Variants in LYPLA2 observed in about 807,000 individuals in gnomAD.
LYPLA2 encodes the protein acyl-protein thioesterase 2.
A neutral mutation model predicts 30.3 loss-of-function variants in LYPLA2; 7 were observed. That is an observed-to-expected ratio of 0.23 (90% CI 0.13 to 0.43). LYPLA2 has a LOEUF of 0.43. LYPLA2 is among the 20% of genes least tolerant of loss of function. LYPLA2 has a pLI of 1.00. For synonymous variants in LYPLA2, 112 were observed against 118.2 expected, an observed-to-expected ratio of 0.95 and a Z score of 0.34; for missense variants, 206 against 307.9, an observed-to-expected ratio of 0.67 and a Z score of 2.48.
chr1:23,792,319 T>TA (rs1638812731), intron 1 of LYPLA2, among the ~76,000 whole-genome samples: 1 of 152,016 alleles, frequency 6.6e-6, no homozygotes, highest in Admixed American at 6.5e-5. Context: ...CCTGAGGAGT[T>TA]AGAGGGGGAA....
At chr1:23,791,338 TGGG>T (rs771796050) in intron 1 of LYPLA2, 88 bp downstream of exon 1, 10 of 16,226 alleles carry the variant, frequency 6.2e-4, no homozygotes, top group East Asian at 1.3e-3. Flanking sequence ...GGAACCGTGA[TGGG>T]GGGGATGGGG....
In LYPLA2 at chr1:23,793,560, T is replaced by C; in HGVS notation, c.177-145T>C. On this transcript the variant is annotated intron_variant, in intron 4 of 9. Coordinates refer to ENST00000374514, the MANE Select transcript of LYPLA2 (RefSeq NM_007260.3). The surrounding 1 kb of genome is among the most constrained non-coding windows in gnomAD (Gnocchi z 6.0). ...CCCAACCACAGCCTCCAGCCCCACG[T>C]GGCAGGTTGCCTGGCAACACCTTAA... 2.5e-6 allele frequency: 2 copies of C among 810,304 alleles called. No individual in the cohort carries two copies. The highest frequency in any genetic ancestry group is 4.2e-6 in the Non-Finnish European group (2 of 473,132). The allele number at this position is 810,304 out of a possible 1,614,324, so 50.2% of individuals were successfully genotyped here.
chr1:23,794,573 G>A lies in LYPLA2; in HGVS notation c.618G>A (p.Pro206=), dbSNP rs201431574. Residue 206 remains proline (P), a synonymous_variant, in exon 9 of 10, where the codon CCG becomes CCA. Coordinates refer to ENST00000374514, the MANE Select transcript of LYPLA2 (RefSeq NM_007260.3). This position sits in a 1 kb window ranked among gnomAD's most constrained non-coding sequence, Gnocchi z 5.9. The part of the protein sequence containing the change: ...TPARVQFKTY[P]GVMHSSCPQE... ...CCAGGGTCCAGTTCAAGACATACCC[G>A]GGTGTCATGCACAGCTCCTGTCCTC... 24 of 1,614,130 alleles carry A rather than the reference G, an allele frequency of 1.5e-5. No homozygotes were observed. The highest frequency in any genetic ancestry group is 1.1e-4 in the East Asian group (5 of 44,870).
Position 23,794,570 on chromosome 1 carries a change from C to T in LYPLA2, c.615C>T (p.Tyr205=). 3.1e-6 allele frequency: 5 copies of T among 1,614,146 alleles called. No homozygotes were observed. Among genetic ancestry groups the T allele is most frequent in the East Asian group, 2.2e-5 (1 of 44,878 alleles). ...VTPARVQFKT[Y]PGVMHSSCPQ... Reference sequence around the variant, plus strand: ...CTGCCAGGGTCCAGTTCAAGACATACCCGGGTGTCATGCACAGCTCCTGTC... The same window carrying T: ...CTGCCAGGGTCCAGTTCAAGACATATCCGGGTGTCATGCACAGCTCCTGTC... Residue 205 remains tyrosine, a synonymous_variant, in exon 9 of 10, where the codon TAC becomes TAT. Coordinates refer to ENST00000374514, the MANE Select transcript of LYPLA2 (RefSeq NM_007260.3). This position sits in a 1 kb window ranked among gnomAD's most constrained non-coding sequence, Gnocchi z 5.9.
At position 23,792,659 on chromosome 1, in the gene LYPLA2, C is replaced by G; in HGVS notation, c.-24C>G. 6.2e-7 allele frequency: 1 copy of G among 1,608,860 alleles called. No homozygotes were observed. Among genetic ancestry groups the G allele is most frequent in the Non-Finnish European group, 8.5e-7 (1 of 1,177,708 alleles). ...GACCGCCGCCCCGATGTATGCAGGC[C>G]CCCGCCGTGGAGCCGTGTGGTGTAT... is the stretch of plus-strand genomic sequence containing the variant. On this transcript the variant is annotated splice_region_variant and 5_prime_UTR_variant, in exon 2 of 10. Coordinates refer to ENST00000374514, the MANE Select transcript of LYPLA2 (RefSeq NM_007260.3).
At position 23,793,106 on chromosome 1, in the gene LYPLA2, T is replaced by C. The variant is rs757031249; in HGVS notation, c.111-45T>C. 47 of 1,613,492 alleles carry C rather than the reference T, an allele frequency of 2.9e-5. No homozygotes were observed. Among genetic ancestry groups the C allele is most frequent in the Non-Finnish European group, 3.9e-5 (46 of 1,179,592 alleles). On this transcript the variant is annotated intron_variant, in intron 3 of 9. Coordinates refer to ENST00000374514, the MANE Select transcript of LYPLA2 (RefSeq NM_007260.3). The surrounding 1 kb of genome is among the most constrained non-coding windows in gnomAD (Gnocchi z 6.0). ...GCCCAGCAGCGGACTGGAGAGGCCT[T>C]CTCTTCCTACCACATCGGAGCCTTT...
rs984903000 is a variant in LYPLA2 at position 23,791,420 on chromosome 1, G to C, written c.-27+170G>C. Among the ~76,000 whole-genome samples, 6 of 152,294 alleles carry C rather than the reference G, an allele frequency of 3.9e-5. 1 individual carries two copies. In the South Asian group the frequency reaches 1.2e-3, roughly 32 times the overall value. On this transcript the variant is annotated intron_variant, in intron 1 of 9. Transcript: ENST00000374514. ...CGGGAGTGGAGCGGGGCTAGGCAAGGGGGTGTCTGAGTATAAAGAGACAGA... is the reference window on the plus strand; with the variant it reads ...CGGGAGTGGAGCGGGGCTAGGCAAGCGGGTGTCTGAGTATAAAGAGACAGA...
Position 23,792,838 on chromosome 1 carries a change from G to C in LYPLA2, c.78+78G>C, listed in dbSNP as rs1570621359. On this transcript the variant is annotated intron_variant, in intron 2 of 9. Coordinates refer to ENST00000374514, the MANE Select transcript of LYPLA2 (RefSeq NM_007260.3). ...CGGCTGGAGGGGGTGTGGGAAAATG[G>C]AGGTGGCAGTGATGAGCAGGGAGTA... is the stretch of plus-strand genomic sequence containing the variant. 1.2e-5 allele frequency: 17 copies of C among 1,399,730 alleles called. No individual in the cohort carries two copies. The East Asian group carries it at 3.9e-4, about 32-fold the overall frequency. The allele number at this position is 1,399,730 out of a possible 1,614,324, so 86.7% of individuals were successfully genotyped here.
rs370395350 is a variant in LYPLA2 at position 23,794,226 on chromosome 1, C to T, written c.372C>T (p.Gly124=). The T allele has an allele frequency of 2.2e-5, 35 of 1,609,258 alleles. No individual in the cohort carries two copies. Among genetic ancestry groups the T allele is most frequent in the South Asian group, 1.8e-4 (16 of 90,642 alleles). The change falls in exon 8 of 10, where the codon GGC becomes GGT. Residue 124 remains glycine, a splice_region_variant and synonymous_variant. Transcript: ENST00000374514. The surrounding 1 kb of genome is among the most constrained non-coding windows in gnomAD (Gnocchi z 5.9). ...ACCCCTCTCTCTCCTCCCTCCAGGG[C>T]GGGGCCCTGTCCCTCTACACGGCCC... ...NRIVLGGFSQ[G]GALSLYTALT...
chr1:23,793,270 GTCCTGTCATCCCAGGCCTGTTCTC>G lies in LYPLA2; in HGVS notation c.176+63_176+86del. On this transcript the variant is annotated intron_variant, in intron 4 of 9. Transcript: ENST00000374514. This position sits in a 1 kb window ranked among gnomAD's most constrained non-coding sequence, Gnocchi z 6.0. ...TGAGGCTGGGGATCATCTGGGGGTGGTCCTGTCATCCCAGGCCTGTTCTCTCCTGTCAGTTGCATCCTGGGGCTT... is the reference window on the plus strand; with the variant it reads ...TGAGGCTGGGGATCATCTGGGGGTGGTCCTGTCAGTTGCATCCTGGGGCTT... 1 of 1,552,458 alleles carries G rather than the reference GTCCTGTCATCCCAGGCCTGTTCTC, an allele frequency of 6.4e-7. No homozygotes were observed. The highest frequency in any genetic ancestry group is 1.1e-5 in the South Asian group (1 of 89,720).
chr1:23,794,613 A>G lies in LYPLA2; in HGVS notation c.645+13A>G, dbSNP rs1397450566. 3 of 1,613,696 alleles carry G rather than the reference A, an allele frequency of 1.9e-6. No homozygotes were observed. Among genetic ancestry groups the G allele is most frequent in the Non-Finnish European group, 2.5e-6 (3 of 1,179,878 alleles). ...CTCCTGTCCTCAGGTCAGTGGGGGG[A>G]CCATTTCCCACTCCCACTTCTCTGC... On this transcript the variant is annotated intron_variant, in intron 9 of 9. Coordinates refer to ENST00000374514, the MANE Select transcript of LYPLA2 (RefSeq NM_007260.3). The surrounding 1 kb of genome is among the most constrained non-coding windows in gnomAD (Gnocchi z 5.9).
In LYPLA2 at chr1:23,794,149, G is replaced by C. The variant is rs1278189551; in HGVS notation, c.369+13G>C. ...AGGCTTTTCACAGGTGAGGGGAGAG[G>C]GGTGGGGGGGTAGGGGGTAGGGGTG... On this transcript the variant is annotated intron_variant, in intron 7 of 9. Transcript: ENST00000374514. This position sits in a 1 kb window ranked among gnomAD's most constrained non-coding sequence, Gnocchi z 5.9. 1 of 1,556,186 alleles carries C rather than the reference G, an allele frequency of 6.4e-7. No homozygotes were observed. The highest frequency in any genetic ancestry group is 8.8e-7 in the Non-Finnish European group (1 of 1,131,730).
At position 23,794,154 on chromosome 1, in the gene LYPLA2, G is replaced by GGGGGGTA. The variant is rs752356959; in HGVS notation, c.369+30_369+36dup. The GGGGGGTA allele has an allele frequency of 2.8e-6, 4 of 1,412,162 alleles. No homozygotes were observed. Among genetic ancestry groups the GGGGGGTA allele is most frequent in the African/African-American group, 1.4e-5 (1 of 70,928 alleles). 87.5% of individuals were successfully genotyped at this position (1,412,162 alleles called of 1,614,324 possible). On this transcript the variant is annotated intron_variant, in intron 7 of 9. Coordinates refer to ENST00000374514, the MANE Select transcript of LYPLA2 (RefSeq NM_007260.3). This position sits in a 1 kb window ranked among gnomAD's most constrained non-coding sequence, Gnocchi z 5.9. Reference sequence around the variant, plus strand: ...TTTCACAGGTGAGGGGAGAGGGGTGGGGGGGTAGGGGGTAGGGGTGGCCGG... The same window carrying GGGGGGTA: ...TTTCACAGGTGAGGGGAGAGGGGTGGGGGGGTAGGGGGTAGGGGGTAGGGGTGGCCGG...
Position 23,793,816 on chromosome 1 carries a change from G to A in LYPLA2, c.225-44G>A. ...ACTTGGGCTGAGGGAGCCACAGGGG[G>A]CTGGCTGGGGTTTTCTATAGCTGCC... On this transcript the variant is annotated intron_variant, in intron 5 of 9. Coordinates refer to ENST00000374514, the MANE Select transcript of LYPLA2 (RefSeq NM_007260.3). The surrounding 1 kb of genome is among the most constrained non-coding windows in gnomAD (Gnocchi z 6.0). 5.6e-6 allele frequency: 9 copies of A among 1,611,388 alleles called. No individual in the cohort carries two copies. Among genetic ancestry groups the A allele is most frequent in the South Asian group, 1.1e-5 (1 of 91,036 alleles).
At position 23,793,857 on chromosome 1, in the gene LYPLA2, A is replaced by C. The variant is rs1638855773; in HGVS notation, c.225-3A>C. The C allele has an allele frequency of 5.6e-6, 9 of 1,613,910 alleles. No individual in the cohort carries two copies. The highest frequency in any genetic ancestry group is 7.6e-6 in the Non-Finnish European group (9 of 1,179,880). ...TATAGCTGCCAGTGCCTCTACTCCCAAGGTTTGACCTGATGGGGCTGAGTC... is the reference window on the plus strand; with the variant it reads ...TATAGCTGCCAGTGCCTCTACTCCCCAGGTTTGACCTGATGGGGCTGAGTC... On this transcript the variant is annotated splice_polypyrimidine_tract_variant and splice_region_variant and intron_variant, in intron 5 of 9. Transcript: ENST00000374514. The surrounding 1 kb of genome is among the most constrained non-coding windows in gnomAD (Gnocchi z 6.0).
At chr1:23,792,523 C>T in intron 1 of LYPLA2, 134 bp from the exon 2 acceptor site, 1 of 644,260 alleles carries the variant, frequency 1.6e-6, no homozygotes, top group South Asian at 1.8e-5. Context: ...TGCCCTGGGA[C>T]TTCTTGCTTG....
In LYPLA2 at chr1:23,793,064, C is replaced by G; in HGVS notation, c.110+25C>G. ...GGTAAGTGACTGAGGAGGGGTGCTC[C>G]TTAAGGAGGGGTCCTGGCCCAGCAG... On this transcript the variant is annotated intron_variant, in intron 3 of 9. Coordinates refer to ENST00000374514, the MANE Select transcript of LYPLA2 (RefSeq NM_007260.3). The surrounding 1 kb of genome is among the most constrained non-coding windows in gnomAD (Gnocchi z 6.0). 2 of 1,613,574 alleles carry G rather than the reference C, an allele frequency of 1.2e-6. No homozygotes were observed. The highest frequency in any genetic ancestry group is 1.7e-6 in the Non-Finnish European group (2 of 1,179,652).
chr1:23,791,259 C>G lies in LYPLA2; in HGVS notation c.-27+9C>G, dbSNP rs1638785455. The stretch of plus-strand genomic sequence containing the variant: ...AGTCCCAGGGAGTGGAGGTACCCAG[C>G]CGGCGGCTGCGGAGGATGGGCGTGT... On this transcript the variant is annotated intron_variant, in intron 1 of 9. Coordinates refer to ENST00000374514, the MANE Select transcript of LYPLA2 (RefSeq NM_007260.3). 1 of 151,950 alleles carries G rather than the reference C, an allele frequency of 6.6e-6. No individual in the cohort carries two copies. Among genetic ancestry groups the G allele is most frequent in the African/African-American group, 2.4e-5 (1 of 41,150 alleles). The allele number at this position is 151,950 out of a possible 1,614,324, so 9.4% of individuals were successfully genotyped here.
In LYPLA2 at chr1:23,793,151, G is replaced by A. The variant is rs1638833817; in HGVS notation, c.111G>A (p.Gly37=). 1 of 1,613,992 alleles carries A rather than the reference G, an allele frequency of 6.2e-7. No homozygotes were observed. The highest frequency in any genetic ancestry group is 8.5e-7 in the Non-Finnish European group (1 of 1,179,908). ...GCCTTTTCTCCCGTCCCTCCTACAG[G>A]CACAGCTGGGCTGACGCCCTCTCCA... ...VIFLHGLGDT[G]HSWADALSTI... The change falls in exon 4 of 10, where the codon GGG becomes GGA. Residue 37 remains glycine (G), a splice_region_variant and synonymous_variant. Coordinates refer to ENST00000374514, the MANE Select transcript of LYPLA2 (RefSeq NM_007260.3). This position sits in a 1 kb window ranked among gnomAD's most constrained non-coding sequence, Gnocchi z 6.0.
Sources: allele counts gnomAD v4.1 joint callset (sites outside exome capture counted in the v4.1 genomes callset), GRCh38; gene constraint gnomAD v4.1.1; non-coding constraint Gnocchi (gnomAD v3.1); transcripts MANE v1.5; gene names NCBI Gene and HGNC (gene_info 2026-07-23, HGNC 2026-07-21).